The following BMP7 variants were observed in gnomAD, a reference collection of about 807,000 sequenced individuals.
BMP7 encodes osteogenic protein 1.
A neutral mutation model predicts 41.2 loss-of-function variants in BMP7; 12 were observed. That is an observed-to-expected ratio of 0.29 (90% CI 0.19 to 0.47). The LOEUF (loss-of-function observed/expected upper bound fraction) is 0.47. Ranked by LOEUF, BMP7 falls within the 20% of genes least tolerant of loss-of-function variation. The probability of loss-of-function intolerance (pLI) is 0.99; values close to 1 mark genes in which losing one functional copy is unlikely to be tolerated. For synonymous variants in BMP7, 248 were observed against 250.0 expected, an observed-to-expected ratio of 0.99 and a Z score of 0.07; for missense variants, 467 against 606.0, an observed-to-expected ratio of 0.77 and a Z score of 2.41.
At chr20:57,181,606 A>G (rs1367571057) in intron 4 of BMP7, among the ~76,000 whole-genome samples, 2 of 152,236 alleles carry the variant, frequency 1.3e-5, no homozygotes, top group Admixed American at 6.5e-5. Flanking sequence ...TTATCAAAAC[A>G]ATACAAGCGG....
chr20:57,173,972 T>C (rs372665448), intron 5 of BMP7, among the ~76,000 whole-genome samples: 1 of 152,180 alleles, frequency 6.6e-6, no homozygotes, highest in African/African-American at 2.4e-5. Context: ...ATAATCAATA[T>C]ACTCCTCAGT....
At chr20:57,242,375 C>A (rs1482090007) in intron 1 of BMP7, among the ~76,000 whole-genome samples, 1 of 152,182 alleles carries the variant, frequency 6.6e-6, no homozygotes, top group Admixed American at 6.5e-5. Context: ...TCAAGAGGGT[C>A]AAGAAACCTG....
At chr20:57,173,673 AC>A (rs1983861066) in intron 5 of BMP7, 2 of 350,450 alleles carry the variant, frequency 5.7e-6, no homozygotes, top group African/African-American at 4.2e-5. Context: ...GGAAAGCCCC[AC>A]GGGGCTTGGC....
chr20:57,193,636 C>G (rs893519795), intron 3 of BMP7, among the ~76,000 whole-genome samples: 7 of 152,200 alleles, frequency 4.6e-5, no homozygotes, highest in African/African-American at 1.7e-4. Flanking sequence ...TAGTTCATTC[C>G]TTTTTGCTGT....
rs1473112333 is a variant in BMP7 at position 57,184,224 on chromosome 20, A to G, written c.761-305T>C. 3.3e-5 allele frequency among the ~76,000 whole-genome samples: 5 copies of G among 152,218 alleles called. No individual in the cohort carries two copies. The South Asian group carries it at 8.3e-4, about 25-fold the overall frequency. On this transcript the variant is annotated intron_variant, in intron 3 of 6. Coordinates refer to ENST00000395863, the MANE Select transcript of BMP7 (RefSeq NM_001719.3). ...GGAAGGTGGCAAGCTAGCGAACCCC[A>G]TAAGTGCCACTCACATTCCATTGGC... is the stretch of plus-strand genomic sequence containing the variant.
Position 57,171,179 on chromosome 20 carries a change from A to G in BMP7, c.1147-71T>C, listed in dbSNP as rs1983809298. 1.3e-6 allele frequency: 2 copies of G among 1,594,558 alleles called. No homozygotes were observed. Among genetic ancestry groups the G allele is most frequent in the Non-Finnish European group, 1.7e-6 (2 of 1,163,856 alleles). On this transcript the variant is annotated intron_variant, in intron 6 of 6. Coordinates refer to ENST00000395863, the MANE Select transcript of BMP7 (RefSeq NM_001719.3). The surrounding 1 kb of genome is among the most constrained non-coding windows in gnomAD (Gnocchi z 4.5). ...CGTTCTAACTGGCCTCCACGTTTCT[A>G]TAAAGAAACATCCTGTCTGGGCATA...
intron 2 of BMP7, among the ~76,000 whole-genome samples, chr20:57,209,097 T>A (rs1032677587): frequency 2.6e-5 from 4 of 151,794 alleles, no homozygotes; most frequent in Non-Finnish European, 5.9e-5. Context: ...GGCGTGTGGA[T>A]CACCCTGAGG....
Position 57,249,536 on chromosome 20 carries a change from C to T in BMP7, c.418+16169G>A, listed in dbSNP as rs184065898. Among the ~76,000 whole-genome samples, 434 of 152,204 alleles carry T rather than the reference C, an allele frequency of 2.9e-3. 1 individual carries two copies. The highest frequency in any genetic ancestry group is 4.8e-3 in the Non-Finnish European group (328 of 68,010). On this transcript the variant is annotated intron_variant, in intron 1 of 6. Coordinates refer to ENST00000395863, the MANE Select transcript of BMP7 (RefSeq NM_001719.3). ...ACCCCTGATGCAGGGGTGACTGCAT[C>T]GCACTTTTTCAAATGTCCCGGATTC...
intron 3 of BMP7, among the ~76,000 whole-genome samples, chr20:57,190,347 C>T (rs545772237): frequency 7.6e-5 from 11 of 144,774 alleles, no homozygotes; most frequent in African/African-American, 2.5e-4. Context: ...AGACAGTGAG[C>T]GAGGAACCAG....
intron 2 of BMP7, among the ~76,000 whole-genome samples, chr20:57,217,997 A>G (rs1042839293): frequency 6.6e-6 from 1 of 152,188 alleles, no homozygotes; most frequent in Non-Finnish European, 1.5e-5. Flanking sequence ...AGGTATCTGT[A>G]TAAAGATACC....
intron 2 of BMP7, among the ~76,000 whole-genome samples, chr20:57,216,484 G>A (rs1439543436): frequency 2.0e-5 from 3 of 151,900 alleles, no homozygotes; most frequent in African/African-American, 2.4e-5. Context: ...ACCTGAGGAC[G>A]AGGGCGCTGT....
At chr20:57,180,458 C>G (rs3787384) in intron 4 of BMP7, among the ~76,000 whole-genome samples, 1 of 152,146 alleles carries the variant, frequency 6.6e-6, no homozygotes, top group African/African-American at 2.4e-5. Flanking sequence ...TCAGCTCGCT[C>G]GCCACGAAAT....
chr20:57,257,648 G>A (rs1458963248), intron 1 of BMP7, among the ~76,000 whole-genome samples: 1 of 152,120 alleles, frequency 6.6e-6, no homozygotes, highest in African/African-American at 2.4e-5. Flanking sequence ...GAGATCAAAA[G>A]CATTTAGAAG....
rs1482879842 is a variant in BMP7, at chr20:57,261,577, G to C, written c.418+4128C>G. 6.6e-6 allele frequency among the ~76,000 whole-genome samples: 1 copy of C among 152,196 alleles called. No individual in the cohort carries two copies. Among genetic ancestry groups the C allele is most frequent in the Non-Finnish European group, 1.5e-5 (1 of 68,048 alleles). On this transcript the variant is annotated intron_variant, in intron 1 of 6. Transcript: ENST00000395863. This position sits in a 1 kb window ranked among gnomAD's most constrained non-coding sequence, Gnocchi z 4.1. ...GGTTTAAAAGAAGTGATTTTGAAAG[G>C]GTTACGAAAAACACAGCTGTTGGTG...
intron 2 of BMP7, among the ~76,000 whole-genome samples, chr20:57,220,179 A>G (rs1186573407): frequency 6.6e-6 from 1 of 152,240 alleles, no homozygotes; most frequent in Non-Finnish European, 1.5e-5. Flanking sequence ...CAGAGGTTGC[A>G]ATAGGAAGAC....
At chr20:57,249,840 G>A (rs971039271) in intron 1 of BMP7, among the ~76,000 whole-genome samples, 1 of 152,160 alleles carries the variant, frequency 6.6e-6, no homozygotes, top group Non-Finnish European at 1.5e-5. Flanking sequence ...CCTGTTTACT[G>A]AGAGTTCCCT....
At chr20:57,218,895 A>G (rs1985108900) in intron 2 of BMP7, among the ~76,000 whole-genome samples, 1 of 129,842 alleles carries the variant, frequency 7.7e-6, no homozygotes, top group African/African-American at 3.0e-5. Context: ...GTTTGGTGGT[A>G]GCTGGTGTTT....
chr20:57,202,839 G>A (rs550199694), intron 2 of BMP7, among the ~76,000 whole-genome samples: 25 of 152,260 alleles, frequency 1.6e-4, no homozygotes, highest in African/African-American at 4.8e-4. Flanking sequence ...AGAGATACAC[G>A]CAGGGAAAAG....
chr20:57,213,591 G>A lies in BMP7; in HGVS notation c.612-10968C>T, dbSNP rs994496380. Among the ~76,000 whole-genome samples the A allele has an allele frequency of 1.3e-5, 2 of 152,134 alleles. No individual in the cohort carries two copies. The highest frequency in any genetic ancestry group is 4.8e-5 in the African/African-American group (2 of 41,418). On this transcript the variant is annotated intron_variant, in intron 2 of 6. Coordinates refer to ENST00000395863, the MANE Select transcript of BMP7 (RefSeq NM_001719.3). The surrounding 1 kb of genome is among the most constrained non-coding windows in gnomAD (Gnocchi z 4.4). ...AAGGTGTGGATCACAGAGGCTGGGG[G>A]TCAAGAGGGAAGAGAAATACAGCGA...
Sources: allele counts gnomAD v4.1 joint callset (sites outside exome capture counted in the v4.1 genomes callset), GRCh38; gene constraint gnomAD v4.1.1; non-coding constraint Gnocchi (gnomAD v3.1); transcripts MANE v1.5; gene names NCBI Gene and HGNC (gene_info 2026-07-23, HGNC 2026-07-21).